Variants in SHROOM3 observed in about 807,000 individuals in gnomAD.
SHROOM3 encodes protein Shroom3.
SHROOM3 carries 47 observed loss-of-function variants against 138.6 expected under a neutral mutation model. The observed-to-expected ratio is 0.34, with a 90% CI of 0.27 to 0.43. The LOEUF is 0.43. SHROOM3 is among the 20% of genes least tolerant of loss of function. The pLI, the probability that SHROOM3 is intolerant of heterozygous loss-of-function variation, is 1.00. For missense variants in SHROOM3, 2,491 were observed against 2,596.5 expected (o/e 0.96, Z 0.88); for synonymous variants, 1,062 against 1,063.3 (o/e 1.00, Z 0.02).
At chr4:76,578,323 GT>G (rs1433873499) in intron 2 of SHROOM3, among the ~76,000 whole-genome samples, 6 of 152,284 alleles carry the variant, frequency 3.9e-5, no homozygotes, top group Admixed American at 1.3e-4. Flanking sequence ...ATCTCAGGGG[GT>G]TTTTGTGGTA....
intron 2 of SHROOM3, among the ~76,000 whole-genome samples, chr4:76,568,137 C>T (rs1733766971): frequency 6.6e-6 from 1 of 152,154 alleles, no homozygotes; most frequent in Admixed American, 6.5e-5. Context: ...ATCCGCAGTG[C>T]TTGGAATGGT....
At chr4:76,684,295 T>C (rs533815141) in intron 2 of SHROOM3, among the ~76,000 whole-genome samples, 19 of 152,298 alleles carry the variant, frequency 1.2e-4, no homozygotes, top group Admixed American at 3.9e-4. Flanking sequence ...GTGACCCCCA[T>C]AGCCTTGACA....
At chr4:76,454,290 C>T (rs1240029018) in intron 1 of SHROOM3, among the ~76,000 whole-genome samples, 5 of 152,160 alleles carry the variant, frequency 3.3e-5, no homozygotes, top group Non-Finnish European at 5.9e-5. Context: ...ATGATCCACC[C>T]GCCTTGGCCT....
chr4:76,537,981 C>T (rs139424120), intron 1 of SHROOM3, among the ~76,000 whole-genome samples: 8 of 152,338 alleles, frequency 5.3e-5, no homozygotes, highest in African/African-American at 1.7e-4. Context: ...GATCTCTGCT[C>T]ACTGCAACCT....
chr4:76,589,597 G>A (rs1402413770), intron 2 of SHROOM3, among the ~76,000 whole-genome samples: 1 of 152,192 alleles, frequency 6.6e-6, no homozygotes, highest in African/African-American at 2.4e-5. Flanking sequence ...ACCCTGGGAA[G>A]CTATGGCTGC....
intron 2 of SHROOM3, among the ~76,000 whole-genome samples, chr4:76,641,341 T>C (rs556747832): frequency 1.3e-5 from 2 of 152,232 alleles, no homozygotes; most frequent in East Asian, 1.9e-4. Flanking sequence ...TCATCCTCCC[T>C]TGGGACAGCC....
intron 1 of SHROOM3, among the ~76,000 whole-genome samples, chr4:76,548,577 G>A (rs1274077546): frequency 1.3e-5 from 2 of 152,122 alleles, no homozygotes; most frequent in Admixed American, 6.5e-5. Context: ...GTATATCACC[G>A]TGCTGTTCTT....
chr4:76,678,425 T>A (rs1719100402), intron 2 of SHROOM3, among the ~76,000 whole-genome samples: 1 of 152,204 alleles, frequency 6.6e-6, no homozygotes, highest in Admixed American at 6.5e-5. Flanking sequence ...GCAACTTTTC[T>A]TGCTTTTATC....
intron 1 of SHROOM3, among the ~76,000 whole-genome samples, chr4:76,484,566 T>G (rs6532417): frequency 0.71 from 107,107 of 151,556 alleles, 38,067 homozygotes; most frequent in East Asian, 0.81. Context: ...CTGAGACCCT[T>G]ACTCTAAAAC....
chr4:76,553,527 C>T (rs561623662), intron 1 of SHROOM3, among the ~76,000 whole-genome samples: 8 of 152,218 alleles, frequency 5.3e-5, no homozygotes, highest in East Asian at 3.9e-4. Context: ...CCACCCACCC[C>T]GGCCTCCCAA....
chr4:76,768,551 C>T (rs1253939995), intron 9 of SHROOM3, among the ~76,000 whole-genome samples: 3 of 152,196 alleles, frequency 2.0e-5, no homozygotes, highest in Non-Finnish European at 4.4e-5. Flanking sequence ...CATTCTGTTA[C>T]CCAGGCTGGA....
chr4:76,513,149 T>A (rs768744087), intron 1 of SHROOM3, among the ~76,000 whole-genome samples: 8 of 152,130 alleles, frequency 5.3e-5, no homozygotes, highest in Non-Finnish European at 1.2e-4. Context: ...AAAGGTCCCT[T>A]GGTGGAACTT....
rs886877809 is a variant in SHROOM3, at chr4:76,714,928, T to C, written c.455+4641T>C. 2.0e-5 allele frequency among the ~76,000 whole-genome samples: 3 copies of C among 152,218 alleles called. No individual in the cohort carries two copies. In the East Asian group the frequency reaches 5.8e-4, roughly 29 times the overall value. The stretch of plus-strand genomic sequence containing the variant: ...TAGTTTTGGCCATCGAGAGCTCTTT[T>C]GAGCTGGCTCTGGTCTAAGTCCTGT... On this transcript the variant is annotated intron_variant, in intron 3 of 10. Transcript: ENST00000296043.
intron 1 of SHROOM3, among the ~76,000 whole-genome samples, chr4:76,446,014 C>T (rs566954613): frequency 2.0e-4 from 30 of 152,084 alleles, no homozygotes; most frequent in African/African-American, 6.8e-4. Context: ...AACTCTTGAT[C>T]TCTTGGGTTA....
intron 1 of SHROOM3, among the ~76,000 whole-genome samples, chr4:76,492,900 G>T (rs973622653): frequency 1.3e-5 from 2 of 152,030 alleles, no homozygotes; most frequent in East Asian, 3.8e-4. Context: ...GGTTTTGATC[G>T]TGGGATTCTG....
Position 76,690,628 on chromosome 4 carries a change from A to G in SHROOM3, c.324-19528A>G, listed in dbSNP as rs377525487. 2.6e-5 allele frequency among the ~76,000 whole-genome samples: 4 copies of G among 152,378 alleles called. No homozygotes were observed. The South Asian group carries it at 6.2e-4, about 24-fold the overall frequency. On this transcript the variant is annotated intron_variant, in intron 2 of 10. Transcript: ENST00000296043. ...AAGCACCCTGGTCGGATATATGGCT[A>G]GATCTTTCCCCCAAAAAATTTCACC...
At chr4:76,710,415 G>T in intron 3 of SHROOM3, 128 bp downstream of exon 3, 1 of 1,122,984 alleles carries the variant, frequency 8.9e-7, no homozygotes, top group Non-Finnish European at 1.3e-6. Flanking sequence ...AGAGGTAAGA[G>T]GCAGAACAAG....
At chr4:76,466,844 C>G (rs1949137) in intron 1 of SHROOM3, among the ~76,000 whole-genome samples, 108,685 of 151,902 alleles carry the variant, frequency 0.72, 39,197 homozygotes, top group East Asian at 0.79. Context: ...AATAAGGAAG[C>G]AATAAGTTTA....
At chr4:76,607,400 A>G (rs1056963192) in intron 2 of SHROOM3, among the ~76,000 whole-genome samples, 2 of 152,342 alleles carry the variant, frequency 1.3e-5, no homozygotes, top group South Asian at 4.1e-4. Context: ...AATTAGTTTG[A>G]CAGATATTCA....
Sources: allele counts gnomAD v4.1 joint callset (sites outside exome capture counted in the v4.1 genomes callset), GRCh38; gene constraint gnomAD v4.1.1; transcripts MANE v1.5; gene names NCBI Gene and HGNC (gene_info 2026-07-23, HGNC 2026-07-21).